CA10: variants seen among roughly 807,000 people sequenced by gnomAD.
CA10 encodes the protein carbonic anhydrase-related protein 10.
Under a neutral mutation model 44.2 loss-of-function variants are expected in CA10, and 14 were observed. The observed-to-expected ratio is 0.32, with a 90% CI of 0.21 to 0.50. CA10 has a LOEUF of 0.50. Ranked by LOEUF, CA10 falls within the 20% of genes least tolerant of loss-of-function variation. The pLI is 0.99. For synonymous variants in CA10, 159 were observed against 141.6 expected (o/e 1.12, Z -0.87); for missense variants, 350 against 409.7 (o/e 0.85, Z 1.26).
chr17:51,797,939 G>T (rs1474107842), intron 3 of CA10, among the ~76,000 whole-genome samples: 1 of 151,726 alleles, frequency 6.6e-6, no homozygotes, highest in Non-Finnish European at 1.5e-5. Flanking sequence ...GCATCTAGGG[G>T]CTACTGATCA....
intron 2 of CA10, among the ~76,000 whole-genome samples, chr17:51,960,625 C>A (rs995350986): frequency 2.6e-5 from 4 of 152,144 alleles, no homozygotes; most frequent in African/African-American, 9.6e-5. Context: ...ACCATTAATT[C>A]TAAATTCTAT....
At chr17:51,963,025 T>C (rs2144054341) in intron 2 of CA10, among the ~76,000 whole-genome samples, 1 of 152,198 alleles carries the variant, frequency 6.6e-6, no homozygotes, top group South Asian at 2.1e-4. Flanking sequence ...AATAAACTCC[T>C]AAATAAATCA....
intron 2 of CA10, among the ~76,000 whole-genome samples, chr17:52,010,155 A>T (rs1487794100): frequency 1.3e-5 from 2 of 152,032 alleles, no homozygotes; most frequent in Non-Finnish European, 2.9e-5. Flanking sequence ...GTTGGTGGGA[A>T]TGTAAACTTG....
At chr17:51,855,793 A>G (rs1979014094) in intron 3 of CA10, among the ~76,000 whole-genome samples, 1 of 152,250 alleles carries the variant, frequency 6.6e-6, no homozygotes, top group Non-Finnish European at 1.5e-5. Flanking sequence ...CCTTAAATGA[A>G]TTCTTAAAAT....
At chr17:51,879,796 T>A (rs2143882954) in intron 3 of CA10, among the ~76,000 whole-genome samples, 1 of 152,248 alleles carries the variant, frequency 6.6e-6, no homozygotes, top group South Asian at 2.1e-4. Flanking sequence ...CTTATCCACA[T>A]TAGGGAGGAG....
chr17:51,719,475 G>T (rs903188922), intron 4 of CA10, among the ~76,000 whole-genome samples: 1 of 152,196 alleles, frequency 6.6e-6, no homozygotes, highest in African/African-American at 2.4e-5. Context: ...GCAGGTCTCA[G>T]AAAATGTTTT....
intron 3 of CA10, among the ~76,000 whole-genome samples, chr17:51,875,044 G>T (rs1381694061): frequency 6.6e-6 from 1 of 150,444 alleles, no homozygotes; most frequent in Non-Finnish European, 1.5e-5. Context: ...TTTGATCATG[G>T]TTCACTGCAG....
intron 1 of CA10, among the ~76,000 whole-genome samples, chr17:52,081,567 G>A (rs952000798): frequency 1.3e-5 from 2 of 152,092 alleles, no homozygotes; most frequent in African/African-American, 4.8e-5. Context: ...TTGGGAGGCC[G>A]AGGCGGGCGG....
chr17:52,076,950 C>A (rs1448292110), intron 1 of CA10, among the ~76,000 whole-genome samples: 4 of 152,206 alleles, frequency 2.6e-5, no homozygotes, highest in Admixed American at 2.0e-4. Flanking sequence ...GTGCAACCAG[C>A]CCCTGGGAAA....
intron 2 of CA10, among the ~76,000 whole-genome samples, chr17:52,049,042 C>T (rs1986988630): frequency 6.6e-6 from 1 of 152,012 alleles, no homozygotes; most frequent in Non-Finnish European, 1.5e-5. Flanking sequence ...AATAAAATGA[C>T]ATATATAAGA....
intron 3 of CA10, among the ~76,000 whole-genome samples, chr17:51,809,582 G>C (rs559725568): frequency 6.6e-6 from 1 of 152,140 alleles, no homozygotes; most frequent in Non-Finnish European, 1.5e-5. Context: ...GCAACATCCT[G>C]GTATCGAGGA....
intron 3 of CA10, among the ~76,000 whole-genome samples, chr17:51,878,868 A>G (rs868133446): frequency 8.6e-5 from 2 of 23,216 alleles, no homozygotes; most frequent in African/African-American, 2.7e-4. Context: ...ATATATATAT[A>G]TATATATATA....
chr17:52,071,577 A>AT (rs1185123254), intron 2 of CA10, among the ~76,000 whole-genome samples: 1 of 152,150 alleles, frequency 6.6e-6, no homozygotes, highest in African/African-American at 2.4e-5. Flanking sequence ...CGGAGTAGAG[A>AT]TTGCACACTG....
intron 2 of CA10, among the ~76,000 whole-genome samples, chr17:51,943,575 G>A (rs1412460405): frequency 2.0e-5 from 3 of 152,174 alleles, no homozygotes; most frequent in Non-Finnish European, 4.4e-5. Context: ...ACAAGCCTTT[G>A]CCTGCAGTGG....
Position 51,666,101 on chromosome 17 carries a change from A to G in CA10, c.466-12365T>C, listed in dbSNP as rs572814734. 5.9e-5 allele frequency among the ~76,000 whole-genome samples: 9 copies of G among 152,318 alleles called. No individual in the cohort carries two copies. In the South Asian group the frequency reaches 1.7e-3, roughly 28 times the overall value. On this transcript the variant is annotated intron_variant, in intron 4 of 8. Transcript: ENST00000451037. ...AATCCAAACAAAACAAAATATCTCA[A>G]ACCTTCACTCATTGATTCTTCCAAC...
chr17:52,134,905 A>C (rs2143361877), intron 1 of CA10: 1 of 518,950 alleles, frequency 1.9e-6, no homozygotes, highest in Non-Finnish European at 3.8e-6. Context: ...CACCATACAC[A>C]GTTCATCAGG....
rs144241487 is a variant in CA10 at position 51,803,747 on chromosome 17, C to T, written c.280-55929G>A. On this transcript the variant is annotated intron_variant, in intron 3 of 8. Transcript: ENST00000451037. ...AATTTAGTCAGACAATAATTACCAG[C>T]GAACTAATTAAATTTACTTTTCAAT... Among the ~76,000 whole-genome samples, 556 of 152,238 alleles carry T rather than the reference C, an allele frequency of 3.7e-3. 3 individuals are homozygous for T. The highest frequency in any genetic ancestry group is 0.013 in the African/African-American group (524 of 41,530).
intron 2 of CA10, among the ~76,000 whole-genome samples, chr17:52,045,136 G>T (rs145041226): frequency 6.6e-6 from 1 of 151,252 alleles, no homozygotes; most frequent in Admixed American, 6.6e-5. Flanking sequence ...TTAAAACTAC[G>T]CAAAACAAAA....
chr17:52,083,061 T>C (rs4641792), intron 1 of CA10, among the ~76,000 whole-genome samples: 75,504 of 152,036 alleles, frequency 0.5, 19,302 homozygotes, highest in African/African-American at 0.57. Flanking sequence ...AAAATGTGTA[T>C]GTGCTATATT....
Sources: allele counts gnomAD v4.1 joint callset (sites outside exome capture counted in the v4.1 genomes callset), GRCh38; gene constraint gnomAD v4.1.1; transcripts MANE v1.5; gene names NCBI Gene and HGNC (gene_info 2026-07-23, HGNC 2026-07-21).